The following MAF variants were observed in gnomAD, a reference collection of about 807,000 sequenced individuals.
The protein encoded by MAF is MAF bZIP transcription factor, also known as transcription factor Maf.
In MAF, 10 loss-of-function variants were observed where a neutral mutation model predicts 22.0. The ratio of observed to expected loss-of-function variants is 0.45; its 90% CI spans 0.28 to 0.77. MAF has a LOEUF of 0.77. Among genes scored for constraint, MAF ranks in the 30% least tolerant of loss-of-function variants. The pLI, the probability that MAF is intolerant of heterozygous loss-of-function variation, is 0.12. For synonymous variants in MAF, 337 were observed against 255.8 expected, an observed-to-expected ratio of 1.32 and a Z score of -3.03; for missense variants, 544 against 548.4, an observed-to-expected ratio of 0.99 and a Z score of 0.08.
At chr16:79,370,714 A>C in the MAF span, among the ~76,000 whole-genome samples, 1 of 152,150 alleles carries the variant, frequency 6.6e-6, no homozygotes, top group African/African-American at 2.4e-5. Context: ...CATATATCAG[A>C]TCCACTGCTT....
At chr16:79,548,076 G>A in the MAF span, among the ~76,000 whole-genome samples, 13 of 152,092 alleles carry the variant, frequency 8.5e-5, no homozygotes, top group African/African-American at 3.1e-4. Flanking sequence ...TTGATATAGT[G>A]GTTGTTTTCT....
At chr16:79,492,046 C>G in the MAF span, among the ~76,000 whole-genome samples, 1 of 152,094 alleles carries the variant, frequency 6.6e-6, no homozygotes, top group Non-Finnish European at 1.5e-5. Flanking sequence ...ATATTTTCCC[C>G]CAAGACCATA....
chr16:79,281,364 A>C, the MAF span, among the ~76,000 whole-genome samples: 1 of 152,128 alleles, frequency 6.6e-6, no homozygotes, highest in African/African-American at 2.4e-5. Flanking sequence ...TCTATGGTTT[A>C]ATAAAAGAAG....
the MAF span, among the ~76,000 whole-genome samples, chr16:79,262,160 T>C: frequency 5.6e-4 from 85 of 152,230 alleles, no homozygotes; most frequent in Non-Finnish European, 1.0e-3. Flanking sequence ...TCTGAGGTCA[T>C]TGCCACGACA....
chr16:79,394,268 G>A, the MAF span, among the ~76,000 whole-genome samples: 1 of 152,140 alleles, frequency 6.6e-6, no homozygotes. Context: ...TCCTTCTTGC[G>A]GCAGCTTGAT....
the MAF span, among the ~76,000 whole-genome samples, chr16:79,342,091 GTTAGAGTTAGCCCCA>G: frequency 6.6e-6 from 1 of 152,198 alleles, no homozygotes; most frequent in African/African-American, 2.4e-5. Context: ...GAAAACTACA[GTTAGAGTTAGCCCCA>G]TTTTGGGTAT....
chr16:79,315,144 G>C, the MAF span, among the ~76,000 whole-genome samples: 1 of 151,934 alleles, frequency 6.6e-6, no homozygotes, highest in South Asian at 2.1e-4. Context: ...TATGTGCCAG[G>C]CACGGTTCTA....
At chr16:79,231,263 C>T in the MAF span, among the ~76,000 whole-genome samples, 3 of 151,972 alleles carry the variant, frequency 2.0e-5, no homozygotes, top group Admixed American at 6.6e-5. Context: ...TTTAAGAACC[C>T]GGGCTAGCAT....
chr16:79,368,018 T>C, the MAF span, among the ~76,000 whole-genome samples: 3 of 152,288 alleles, frequency 2.0e-5, no homozygotes, highest in East Asian at 3.9e-4. Flanking sequence ...GAGTGACAAG[T>C]GCAGAAAGAT....
chr16:79,434,226 A>G, the MAF span, among the ~76,000 whole-genome samples: 3 of 152,248 alleles, frequency 2.0e-5, no homozygotes, highest in Non-Finnish European at 4.4e-5. Flanking sequence ...AGGTTAAATA[A>G]AATAAGAAAA....
chr16:79,341,004 A>C, the MAF span, among the ~76,000 whole-genome samples: 4 of 152,294 alleles, frequency 2.6e-5, no homozygotes, highest in South Asian at 8.3e-4. Flanking sequence ...CCAGCTATGC[A>C]AAGAGCTGGA....
the MAF span, among the ~76,000 whole-genome samples, chr16:79,565,158 C>T: frequency 1.3e-5 from 2 of 152,106 alleles, no homozygotes; most frequent in African/African-American, 4.8e-5. Flanking sequence ...TACCAAAGAC[C>T]CAAAATACCC....
chr16:79,253,562 G>A, the MAF span, among the ~76,000 whole-genome samples: 3 of 152,092 alleles, frequency 2.0e-5, no homozygotes, highest in Non-Finnish European at 4.4e-5. Context: ...AAGGGCCTCC[G>A]GGGCAGGTGT....
At chr16:79,402,334 A>G in the MAF span, among the ~76,000 whole-genome samples, 1 of 152,294 alleles carries the variant, frequency 6.6e-6, no homozygotes, top group East Asian at 1.9e-4. Context: ...TGAGAAGGAG[A>G]GAGAAAGCGA....
the MAF span, among the ~76,000 whole-genome samples, chr16:79,429,967 G>C: frequency 6.6e-6 from 1 of 152,142 alleles, no homozygotes; most frequent in Admixed American, 6.6e-5. Context: ...AGGAATACAG[G>C]CTGTGTGACA....
the MAF span, among the ~76,000 whole-genome samples, chr16:79,209,202 T>C: frequency 1.3e-5 from 2 of 152,224 alleles, no homozygotes; most frequent in Non-Finnish European, 2.9e-5. Flanking sequence ...TGGCATGAAA[T>C]GAAGCCAGTT....
chr16:79,245,978 G>A, the MAF span, among the ~76,000 whole-genome samples: 1 of 152,000 alleles, frequency 6.6e-6, no homozygotes, highest in Admixed American at 6.6e-5. Flanking sequence ...GACACCGCAT[G>A]TTCTGACTCA....
At chr16:79,253,213 G>C in the MAF span, among the ~76,000 whole-genome samples, 1 of 152,050 alleles carries the variant, frequency 6.6e-6, no homozygotes, top group South Asian at 2.1e-4. Flanking sequence ...GGCCTGTTTT[G>C]GCAGAATGAA....
At chr16:79,356,337 C>T in the MAF span, among the ~76,000 whole-genome samples, 1 of 152,152 alleles carries the variant, frequency 6.6e-6, no homozygotes, top group African/African-American at 2.4e-5. Flanking sequence ...ATTCACAGGC[C>T]ACATCATCAT....
Sources: allele counts gnomAD v4.1 joint callset (sites outside exome capture counted in the v4.1 genomes callset), GRCh38; gene constraint gnomAD v4.1.1; transcripts MANE v1.5; gene names NCBI Gene and HGNC (gene_info 2026-07-23, HGNC 2026-07-21).